Variants in SLC24A3 observed in about 807,000 individuals in gnomAD.
SLC24A3 encodes the protein sodium/potassium/calcium exchanger 3.
SLC24A3 carries 28 observed loss-of-function variants against 75.8 expected under a neutral mutation model. The observed-to-expected ratio is 0.37, with a 90% confidence interval of 0.27 to 0.51. The LOEUF (loss-of-function observed/expected upper bound fraction) is 0.51. Among genes scored for constraint, SLC24A3 ranks in the 20% least tolerant of loss-of-function variants. SLC24A3 has a pLI of 0.94. For synonymous variants in SLC24A3, 372 were observed against 334.1 expected, an observed-to-expected ratio of 1.11 and a Z score of -1.24; for missense variants, 663 against 847.8, an observed-to-expected ratio of 0.78 and a Z score of 2.71.
Position 19,665,832 on chromosome 20 carries a change from T to G in SLC24A3, c.688-32T>G, listed in dbSNP as rs1382171757. ...GTGTGTGTGTGTGTGTGTGTGTGTG[T>G]CTAATCTTCTATTCTTTTTATTTTT... is the stretch of plus-strand genomic sequence containing the variant. On this transcript the variant is annotated intron_variant, in intron 7 of 16. Transcript: ENST00000328041. 1.9e-6 allele frequency: 3 copies of G among 1,540,160 alleles called. No homozygotes were observed. The South Asian group carries it at 3.5e-5, about 18-fold the overall frequency.
intron 3 of SLC24A3, among the ~76,000 whole-genome samples, chr20:19,564,568 C>G (rs1056856787): frequency 5.9e-5 from 9 of 152,152 alleles, no homozygotes; most frequent in Non-Finnish European, 1.2e-4. Context: ...CTAGTGGAGT[C>G]AGCAGTGATT....
At chr20:19,492,009 G>A (rs1335097741) in intron 2 of SLC24A3, among the ~76,000 whole-genome samples, 1 of 152,148 alleles carries the variant, frequency 6.6e-6, no homozygotes, top group Non-Finnish European at 1.5e-5. Flanking sequence ...AAGAGAAGGT[G>A]CATGTGCTGG....
chr20:19,677,463 A>G (rs2032537934), intron 9 of SLC24A3, among the ~76,000 whole-genome samples: 1 of 152,190 alleles, frequency 6.6e-6, no homozygotes, highest in Admixed American at 6.5e-5. Flanking sequence ...GGAATTTTGA[A>G]TATATACAGG....
At chr20:19,350,912 G>GC (rs3838372) in intron 2 of SLC24A3, among the ~76,000 whole-genome samples, 52,583 of 152,060 alleles carry the variant, frequency 0.35, 9,804 homozygotes, top group Middle Eastern at 0.53. Context: ...CTCTGTCCAG[G>GC]CCCCAGTGGC....
At chr20:19,565,567 G>T (rs2030943794) in intron 3 of SLC24A3, among the ~76,000 whole-genome samples, 1 of 152,236 alleles carries the variant, frequency 6.6e-6, no homozygotes, top group Admixed American at 6.5e-5. Context: ...CTTCTTCCTT[G>T]TCTTGCCTTT....
rs568460992 is a variant in SLC24A3, at chr20:19,338,857, G to A, written c.271+57770G>A. ...ACTCAATGATAGAGGTTATTAGCAC[G>A]ATTATTTTTATGACTCTGACCCCAC... On this transcript the variant is annotated intron_variant, in intron 2 of 16. Transcript: ENST00000328041. 7.2e-5 allele frequency among the ~76,000 whole-genome samples: 11 copies of A among 152,290 alleles called. No homozygotes were observed. In the South Asian group the frequency reaches 8.3e-4, roughly 11 times the overall value.
chr20:19,455,735 G>C (rs1184271562), intron 2 of SLC24A3, among the ~76,000 whole-genome samples: 1 of 152,158 alleles, frequency 6.6e-6, no homozygotes, highest in Admixed American at 6.5e-5. Flanking sequence ...GGCCACCTTC[G>C]GGGCTCTGTC....
At chr20:19,352,107 G>A (rs1327401276) in intron 2 of SLC24A3, among the ~76,000 whole-genome samples, 1 of 151,934 alleles carries the variant, frequency 6.6e-6, no homozygotes, top group African/African-American at 2.4e-5. Flanking sequence ...GCTCAGCCTT[G>A]GCCTGAACCA....
rs970535714 is a variant in SLC24A3 at position 19,523,516 on chromosome 20, T to C, written c.348+7952T>C. On this transcript the variant is annotated intron_variant, in intron 3 of 16. Coordinates refer to ENST00000328041, the MANE Select transcript of SLC24A3 (RefSeq NM_020689.4). The stretch of plus-strand genomic sequence containing the variant: ...AATCACTGCCTCACCCCCTTGATCA[T>C]GAGACTTAATTCAGAAGGTCCAGGT... 2.6e-5 allele frequency among the ~76,000 whole-genome samples: 4 copies of C among 152,300 alleles called. No homozygotes were observed. In the East Asian group the frequency reaches 7.7e-4, roughly 29 times the overall value.
intron 2 of SLC24A3, among the ~76,000 whole-genome samples, chr20:19,403,730 G>A (rs1391451658): frequency 6.6e-6 from 1 of 152,126 alleles, no homozygotes; most frequent in Non-Finnish European, 1.5e-5. Context: ...TCCAGGTAGA[G>A]GGAACAGCAT....
In SLC24A3 at chr20:19,585,790, AC is replaced by A. The variant is rs564485719; in HGVS notation, c.612+248del. Among the ~76,000 whole-genome samples, 766 of 152,254 alleles carry A rather than the reference AC, an allele frequency of 5.0e-3. 5 individuals are homozygous for A. The highest frequency in any genetic ancestry group is 0.017 in the African/African-American group (721 of 41,546). On this transcript the variant is annotated intron_variant, in intron 6 of 16. Coordinates refer to ENST00000328041, the MANE Select transcript of SLC24A3 (RefSeq NM_020689.4). ...ATGCTCAGGTCCACATAAATAATTA[AC>A]CAGACTGAAAGATGTGGGTTACAAT...
intron 3 of SLC24A3, among the ~76,000 whole-genome samples, chr20:19,554,910 C>T (rs1047340552): frequency 3.3e-5 from 5 of 152,000 alleles, no homozygotes; most frequent in Admixed American, 1.3e-4. Context: ...TTAAAGGGAG[C>T]GTAGAATGGC....
intron 2 of SLC24A3, among the ~76,000 whole-genome samples, chr20:19,363,435 C>G: frequency 6.6e-6 from 1 of 152,178 alleles, no homozygotes; most frequent in East Asian, 1.9e-4. Flanking sequence ...AGTTCATTAT[C>G]CAGAATTGGC....
chr20:19,603,462 A>G (rs542123273), intron 6 of SLC24A3, among the ~76,000 whole-genome samples: 23 of 152,290 alleles, frequency 1.5e-4, no homozygotes, highest in African/African-American at 5.5e-4. Flanking sequence ...GTGCTCACGT[A>G]TCAAGTGGGA....
chr20:19,476,874 C>T (rs1987970144), intron 2 of SLC24A3, among the ~76,000 whole-genome samples: 1 of 152,074 alleles, frequency 6.6e-6, no homozygotes, highest in Admixed American at 6.5e-5. Flanking sequence ...TCTTCTCTCC[C>T]TCTGATTCTT....
chr20:19,579,010 AG>A (rs2031180722), intron 3 of SLC24A3, among the ~76,000 whole-genome samples: 1 of 152,102 alleles, frequency 6.6e-6, no homozygotes, highest in Non-Finnish European at 1.5e-5. Context: ...AAAAAGTAAA[AG>A]CCTTTCCTGC....
At chr20:19,241,054 G>C (rs558331365) in intron 1 of SLC24A3, among the ~76,000 whole-genome samples, 24 of 152,186 alleles carry the variant, frequency 1.6e-4, no homozygotes, top group Non-Finnish European at 2.8e-4. Flanking sequence ...GAAGAGGGTT[G>C]GTCTAGATTT....
intron 2 of SLC24A3, among the ~76,000 whole-genome samples, chr20:19,294,624 T>C (rs945495984): frequency 3.3e-5 from 5 of 152,176 alleles, no homozygotes; most frequent in Non-Finnish European, 1.5e-5. Flanking sequence ...TCTCATTCCT[T>C]TTTATGGCTG....
chr20:19,349,983 G>A (rs1469228079), intron 2 of SLC24A3, among the ~76,000 whole-genome samples: 7 of 152,252 alleles, frequency 4.6e-5, no homozygotes, highest in East Asian at 1.9e-4. Flanking sequence ...TGTAAATGGC[G>A]TGTCCAACCA....
Sources: gnomAD v4.1 joint callset for allele counts (sites outside exome capture counted in the v4.1 genomes callset) on GRCh38, gnomAD v4.1.1 for gene constraint, MANE v1.5 for transcripts, NCBI Gene and HGNC (gene_info 2026-07-23, HGNC 2026-07-21) for gene names.